Variants in PDZRN4 observed in about 807,000 individuals in gnomAD.
PDZRN4 encodes PDZ domain containing ring finger 4.
In PDZRN4, 70 loss-of-function variants were observed where a neutral mutation model predicts 99.0. That is an observed-to-expected ratio of 0.71 (90% CI 0.58 to 0.86). The LOEUF (loss-of-function observed/expected upper bound fraction) is 0.86. Ranked by LOEUF, PDZRN4 falls within the 40% of genes least tolerant of loss-of-function variation. The pLI, the probability that PDZRN4 is intolerant of heterozygous loss-of-function variation, is 0.00. For missense variants in PDZRN4, 1,474 were observed against 1,331.2 expected (o/e 1.11, Z -1.67); for synonymous variants, 551 against 501.6 (o/e 1.10, Z -1.32).
chr12:41,460,512 T>G (rs935201639), intron 3 of PDZRN4, among the ~76,000 whole-genome samples: 2 of 152,254 alleles, frequency 1.3e-5, no homozygotes, highest in African/African-American at 2.4e-5. Flanking sequence ...AGCAAATTCC[T>G]GTACCAATCT....
chr12:41,571,045 G>A (rs749342751), intron 9 of PDZRN4, among the ~76,000 whole-genome samples: 7 of 151,882 alleles, frequency 4.6e-5, no homozygotes, highest in South Asian at 2.1e-4. Flanking sequence ...TTTGTCACCC[G>A]TTCTATCCTT....
chr12:41,387,289 A>C (rs1592038818), intron 3 of PDZRN4, among the ~76,000 whole-genome samples: 1 of 152,188 alleles, frequency 6.6e-6, no homozygotes, highest in Non-Finnish European at 1.5e-5. Context: ...AACCCCATTA[A>C]AAAAAGTGCA....
intron 3 of PDZRN4, among the ~76,000 whole-genome samples, chr12:41,436,428 A>C (rs1952630189): frequency 6.6e-6 from 1 of 152,182 alleles, no homozygotes; most frequent in Non-Finnish European, 1.5e-5. Context: ...GTGACAAAGC[A>C]CTTTTAGGAA....
chr12:41,272,912 T>TTAC (rs1951324702), intron 3 of PDZRN4, among the ~76,000 whole-genome samples: 1 of 151,938 alleles, frequency 6.6e-6, no homozygotes, highest in Non-Finnish European at 1.5e-5. Context: ...CTGTTGGTTG[T>TTAC]AACTCTGAAT....
At chr12:41,511,006 A>G (rs1441352444) in intron 5 of PDZRN4, among the ~76,000 whole-genome samples, 1 of 152,118 alleles carries the variant, frequency 6.6e-6, no homozygotes, top group East Asian at 1.9e-4. Context: ...AATCTACTCA[A>G]GCACTGACAT....
chr12:41,398,188 CG>C (rs938405146), intron 3 of PDZRN4, among the ~76,000 whole-genome samples: 2 of 152,144 alleles, frequency 1.3e-5, no homozygotes, highest in Non-Finnish European at 2.9e-5. Flanking sequence ...TTGCAGACCC[CG>C]TGTCCTCTTA....
At chr12:41,543,847 T>C (rs1341279236) in intron 5 of PDZRN4, among the ~76,000 whole-genome samples, 1 of 152,162 alleles carries the variant, frequency 6.6e-6, no homozygotes, top group Non-Finnish European at 1.5e-5. Context: ...ATGATCACTA[T>C]ACCCAGTGAA....
intron 3 of PDZRN4, among the ~76,000 whole-genome samples, chr12:41,416,387 G>T (rs1422904551): frequency 6.6e-6 from 1 of 152,274 alleles, no homozygotes; most frequent in Non-Finnish European, 1.5e-5. Context: ...GCTCACACCT[G>T]TAATCCCAGC....
chr12:41,223,389 C>T (rs1055119372), intron 3 of PDZRN4, among the ~76,000 whole-genome samples: 1 of 152,044 alleles, frequency 6.6e-6, no homozygotes, highest in African/African-American at 2.4e-5. Flanking sequence ...CTCTACTCCT[C>T]CCTCCTTCTC....
chr12:41,255,086 G>A (rs534917717), intron 3 of PDZRN4, among the ~76,000 whole-genome samples: 63 of 152,182 alleles, frequency 4.1e-4, no homozygotes, highest in African/African-American at 1.5e-3. Flanking sequence ...AAAAGAAAAC[G>A]AAAGAGTTGG....
At chr12:41,358,584 T>G (rs1951943821) in intron 3 of PDZRN4, among the ~76,000 whole-genome samples, 1 of 151,944 alleles carries the variant, frequency 6.6e-6, no homozygotes, top group Non-Finnish European at 1.5e-5. Context: ...GGGGAAGAAT[T>G]TGAGTCTGTC....
At position 41,555,745 on chromosome 12, in the gene PDZRN4, G is replaced by A. The variant is rs2120811352; in HGVS notation, c.1350G>A (p.Gly450=). ...IAAKDGRIRE[G]DRILQINGED... ...CCAAAGACGGCCGGATTCGAGAAGG[G>A]GATCGGATTTTGCAAGTAGGTGGTA... Residue 450 remains glycine (G), a synonymous_variant, in exon 7 of 10, where the codon GGG becomes GGA. Coordinates refer to ENST00000402685, the MANE Select transcript of PDZRN4 (RefSeq NM_001164595.2). 1 of 1,613,860 alleles carries A rather than the reference G, an allele frequency of 6.2e-7. No homozygotes were observed. Among genetic ancestry groups the A allele is most frequent in the Middle Eastern group, 1.6e-4 (1 of 6,062 alleles).
chr12:41,356,522 T>C (rs1441138249), intron 3 of PDZRN4, among the ~76,000 whole-genome samples: 5 of 152,030 alleles, frequency 3.3e-5, no homozygotes, highest in African/African-American at 1.2e-4. Flanking sequence ...ACTAAGAACC[T>C]AATGATGTCT....
At chr12:41,386,587 T>A (rs1440841891) in intron 3 of PDZRN4, among the ~76,000 whole-genome samples, 3 of 152,168 alleles carry the variant, frequency 2.0e-5, no homozygotes, top group Admixed American at 6.5e-5. Flanking sequence ...CCTATTAAAC[T>A]ACCATTTGCA....
At chr12:41,524,270 T>C (rs1235542310) in intron 5 of PDZRN4, among the ~76,000 whole-genome samples, 1 of 152,194 alleles carries the variant, frequency 6.6e-6, no homozygotes, top group Non-Finnish European at 1.5e-5. Context: ...ATTCTTAGAA[T>C]GTCTGTACTA....
At position 41,194,201 on chromosome 12, in the gene PDZRN4, T is replaced by G; in HGVS notation, c.843+13T>G. 9.0e-7 allele frequency: 1 copy of G among 1,114,938 alleles called. No homozygotes were observed. The highest frequency in any genetic ancestry group is 1.4e-6 in the Non-Finnish European group (1 of 738,702). 69.1% of individuals were successfully genotyped at this position (1,114,938 alleles called of 1,614,324 possible). A position where few individuals can be genotyped will look rare whatever the true frequency, so the allele number is the denominator to read the frequency against. Reference sequence around the variant, plus strand: ...CAAAATCATGGAGGTAAGACAATGATAAAACATGTATATGATCCATGCAAG... The same window carrying G: ...CAAAATCATGGAGGTAAGACAATGAGAAAACATGTATATGATCCATGCAAG... On this transcript the variant is annotated intron_variant, in intron 3 of 9. Transcript: ENST00000402685.
In PDZRN4 at chr12:41,545,357, C is replaced by G. The variant is rs562863194; in HGVS notation, c.1204-7299C>G. ...CTGTGCCTTTGCATGGTCAATGTTT[C>G]TCTGTTTGGAAATTTGGTCTCCTTG... On this transcript the variant is annotated intron_variant, in intron 5 of 9. Coordinates refer to ENST00000402685, the MANE Select transcript of PDZRN4 (RefSeq NM_001164595.2). 1.1e-4 allele frequency among the ~76,000 whole-genome samples: 16 copies of G among 152,208 alleles called. No homozygotes were observed. In the South Asian group the frequency reaches 2.1e-3, roughly 20 times the overall value.
chr12:41,557,727 G>A (rs1939193401), intron 7 of PDZRN4, among the ~76,000 whole-genome samples: 1 of 151,906 alleles, frequency 6.6e-6, no homozygotes, highest in Non-Finnish European at 1.5e-5. Flanking sequence ...CTCCAAACAG[G>A]AAAGAATACA....
rs181417303 is a variant in PDZRN4, at chr12:41,503,629, A to T, written c.844-2827A>T. On this transcript the variant is annotated intron_variant, in intron 3 of 9. Coordinates refer to ENST00000402685, the MANE Select transcript of PDZRN4 (RefSeq NM_001164595.2). The stretch of plus-strand genomic sequence containing the variant: ...ATTATCAGTAGGAATCTCACTTTTT[A>T]AAAATCTCTGTTGCTTCGAAGATCA... Among the ~76,000 whole-genome samples the T allele has an allele frequency of 4.5e-4, 68 of 152,318 alleles. 2 individuals carry two copies. In the East Asian group the frequency reaches 0.013, roughly 29 times the overall value.
Sources: gnomAD v4.1 joint callset for allele counts (sites outside exome capture counted in the v4.1 genomes callset) on GRCh38, gnomAD v4.1.1 for gene constraint, MANE v1.5 for transcripts, NCBI Gene and HGNC (gene_info 2026-07-23, HGNC 2026-07-21) for gene names.